VAPA: variants seen among roughly 807,000 people sequenced by gnomAD.
VAPA encodes VAMP associated protein A.
A neutral mutation model predicts 25.6 loss-of-function variants in VAPA; 6 were observed. That is an observed-to-expected ratio of 0.23 (90% CI 0.13 to 0.46). The LOEUF (loss-of-function observed/expected upper bound fraction) is 0.46. Among genes scored for constraint, VAPA ranks in the 20% least tolerant of loss-of-function variants. The pLI is 0.99. For synonymous variants in VAPA, 112 were observed against 106.2 expected (o/e 1.05, Z -0.34); for missense variants, 244 against 302.1 (o/e 0.81, Z 1.43).
At position 9,956,857 on chromosome 18, in the gene VAPA, A is replaced by G. The variant is rs974336992; in HGVS notation, c.*2646A>G. On this transcript the variant is annotated 3_prime_UTR_variant, in exon 6 of 6. Coordinates refer to ENST00000400000, the MANE Select transcript of VAPA (RefSeq NM_194434.3). ...CTAAGGCCTTGAGTTCATATGTGAC[A>G]CTGAATGCACTAGCTTCCTTCGTTC... The G allele has an allele frequency of 1.3e-5, 2 of 152,140 alleles. No individual in the cohort carries two copies. Among genetic ancestry groups the G allele is most frequent in the Admixed American group, 1.3e-4 (2 of 15,266 alleles). 9.4% of individuals were successfully genotyped at this position (152,140 alleles called of 1,614,324 possible). A position where few individuals can be genotyped will look rare whatever the true frequency, so the allele number is the denominator to read the frequency against.
intron 1 of VAPA, among the ~76,000 whole-genome samples, chr18:9,917,435 CA>C (rs2069121183): frequency 6.6e-6 from 1 of 152,146 alleles, no homozygotes; most frequent in Admixed American, 6.5e-5. Context: ...GAACTACAGG[CA>C]TGCACTACCA....
intron 1 of VAPA, among the ~76,000 whole-genome samples, chr18:9,931,148 G>A (rs1004262623): frequency 6.6e-6 from 1 of 152,072 alleles, no homozygotes; most frequent in African/African-American, 2.4e-5. Flanking sequence ...AAATTAACAG[G>A]TATTTATTTT....
chr18:9,934,968 G>C (rs182281828), intron 2 of VAPA, among the ~76,000 whole-genome samples: 1 of 151,824 alleles, frequency 6.6e-6, no homozygotes, highest in East Asian at 1.9e-4. Context: ...GGTGGCAGGC[G>C]CCTGTAGTCC....
intron 4 of VAPA, among the ~76,000 whole-genome samples, chr18:9,943,849 T>TA (rs1399048340): frequency 2.1e-5 from 1 of 46,902 alleles, no homozygotes; most frequent in African/African-American, 1.2e-4. Context: ...CCCTTTTTTT[T>TA]TTTTTTTTTT....
At chr18:9,947,919 A>G (rs558980565) in intron 4 of VAPA, 2 of 152,216 alleles carry the variant, frequency 1.3e-5, no homozygotes, top group African/African-American at 4.8e-5. Flanking sequence ...TAACATATAC[A>G]TATGTAGCAT....
chr18:9,944,103 C>G (rs990042657), intron 4 of VAPA, among the ~76,000 whole-genome samples: 3 of 151,954 alleles, frequency 2.0e-5, no homozygotes, highest in Non-Finnish European at 4.4e-5. Flanking sequence ...CCCGCCTTGG[C>G]CTCCCAAAGT....
chr18:9,916,558 G>GTCT (rs1281312127), intron 1 of VAPA, among the ~76,000 whole-genome samples: 6 of 152,212 alleles, frequency 3.9e-5, no homozygotes, highest in Non-Finnish European at 7.3e-5. Context: ...GTTTAAAGAT[G>GTCT]GAGATGATGG....
At chr18:9,916,759 C>G (rs1294350254) in intron 1 of VAPA, among the ~76,000 whole-genome samples, 1 of 152,204 alleles carries the variant, frequency 6.6e-6, no homozygotes, top group Non-Finnish European at 1.5e-5. Flanking sequence ...CTGACTTACC[C>G]TAAGTCATTC....
intron 4 of VAPA, among the ~76,000 whole-genome samples, chr18:9,938,053 A>G (rs1005504616): frequency 6.6e-6 from 1 of 152,218 alleles, no homozygotes; most frequent in African/African-American, 2.4e-5. Context: ...TTCTCTGTGG[A>G]AAGTGAGTGT....
rs1006193239 is a variant in VAPA, at chr18:9,955,062, G to T, written c.*851G>T. On this transcript the variant is annotated 3_prime_UTR_variant, in exon 6 of 6. Coordinates refer to ENST00000400000, the MANE Select transcript of VAPA (RefSeq NM_194434.3). ...ATAGAAAATAAGGTCCATGAGAATA[G>T]AAGTTATGTGATTTCAGTGAGTTGA... The T allele has an allele frequency of 1.4e-4, 21 of 152,178 alleles. No homozygotes were observed. Among genetic ancestry groups the T allele is most frequent in the African/African-American group, 5.1e-4 (21 of 41,442 alleles). The allele number at this position is 152,178 out of a possible 1,614,324, so 9.4% of individuals were successfully genotyped here.
At chr18:9,939,820 TC>T (rs1476343243) in intron 4 of VAPA, among the ~76,000 whole-genome samples, 3 of 152,158 alleles carry the variant, frequency 2.0e-5, no homozygotes, top group Non-Finnish European at 4.4e-5. Context: ...CCTTTCAACT[TC>T]CTGTGATGCA....
intron 4 of VAPA, among the ~76,000 whole-genome samples, chr18:9,942,900 A>G (rs369618138): frequency 1.3e-5 from 2 of 152,270 alleles, no homozygotes; most frequent in Middle Eastern, 3.4e-3. Flanking sequence ...ACAATTTGAC[A>G]TGGGATTTGC....
intron 1 of VAPA, among the ~76,000 whole-genome samples, chr18:9,928,802 A>G (rs2143326801): frequency 6.6e-6 from 1 of 152,318 alleles, no homozygotes; most frequent in Non-Finnish European, 1.5e-5. Context: ...AAGTAGTCAG[A>G]TACTTGTACC....
chr18:9,946,618 A>G (rs1329155421), intron 4 of VAPA, among the ~76,000 whole-genome samples: 1 of 152,012 alleles, frequency 6.6e-6, no homozygotes, highest in Non-Finnish European at 1.5e-5. Flanking sequence ...CGCAGCAAAA[A>G]TATGGCATAA....
chr18:9,941,793 C>T (rs1489986613), intron 4 of VAPA, among the ~76,000 whole-genome samples: 2 of 152,108 alleles, frequency 1.3e-5, no homozygotes, highest in Non-Finnish European at 2.9e-5. Context: ...CTGTATGATG[C>T]TGAATCCTGA....
intron 4 of VAPA, among the ~76,000 whole-genome samples, chr18:9,946,967 T>G (rs1296124845): frequency 6.6e-6 from 1 of 152,182 alleles, no homozygotes; most frequent in East Asian, 1.9e-4. Context: ...CTTCTTTTCT[T>G]AAGACTAAGA....
intron 1 of VAPA, among the ~76,000 whole-genome samples, chr18:9,921,904 ATTAAAT>A (rs1200136129): frequency 2.0e-5 from 3 of 152,192 alleles, no homozygotes; most frequent in African/African-American, 7.2e-5. Context: ...AATTTAGTAA[ATTAAAT>A]TTAAATATAA....
intron 1 of VAPA, among the ~76,000 whole-genome samples, chr18:9,918,079 A>G (rs2143278114): frequency 6.6e-6 from 1 of 152,020 alleles, no homozygotes; most frequent in Non-Finnish European, 1.5e-5. Context: ...GTCTGTACAC[A>G]TCCATACTTT....
chr18:9,915,510 A>T (rs1420942256), intron 1 of VAPA, among the ~76,000 whole-genome samples: 4 of 152,070 alleles, frequency 2.6e-5, no homozygotes, highest in African/African-American at 7.2e-5. Context: ...GTTCCTTCCT[A>T]TCTTTAGTTA....
Sources: gnomAD v4.1 joint callset for allele counts (sites outside exome capture counted in the v4.1 genomes callset) on GRCh38, gnomAD v4.1.1 for gene constraint, MANE v1.5 for transcripts, NCBI Gene and HGNC (gene_info 2026-07-23, HGNC 2026-07-21) for gene names.